The following ROR1 variants were observed in gnomAD, a reference collection of about 807,000 sequenced individuals.
ROR1 encodes the protein inactive tyrosine-protein kinase transmembrane receptor ROR1.
ROR1 carries 19 observed loss-of-function variants against 78.8 expected under a neutral mutation model. The ratio of observed to expected loss-of-function variants is 0.24; its 90% confidence interval spans 0.17 to 0.35. ROR1 has a LOEUF of 0.35. Among genes scored for constraint, ROR1 ranks in the 10% least tolerant of loss-of-function variants. The pLI, the probability that ROR1 is intolerant of heterozygous loss-of-function variation, is 1.00. For missense variants in ROR1, 917 were observed against 1,177.8 expected (o/e 0.78, Z 3.24); for synonymous variants, 386 against 433.6 (o/e 0.89, Z 1.36).
chr1:64,038,237 G>T (rs1482164146), intron 2 of ROR1, among the ~76,000 whole-genome samples: 1 of 152,034 alleles, frequency 6.6e-6, no homozygotes, highest in African/African-American at 2.4e-5. Flanking sequence ...AGGAAGTCTG[G>T]GGTTTCTCCG....
At chr1:64,161,590 G>A (rs11208375) in intron 8 of ROR1, among the ~76,000 whole-genome samples, 50,210 of 152,064 alleles carry the variant, frequency 0.33, 8,704 homozygotes, top group Middle Eastern at 0.42. Context: ...AGACAAATGT[G>A]AAATATACTG....
intron 2 of ROR1, among the ~76,000 whole-genome samples, chr1:64,032,784 A>G (rs1646671808): frequency 6.6e-6 from 1 of 152,238 alleles, no homozygotes; most frequent in African/African-American, 2.4e-5. Context: ...ACAAAAGGAA[A>G]TTCTCAATTT....
At chr1:63,938,951 T>A (rs1311615674) in intron 1 of ROR1, among the ~76,000 whole-genome samples, 1 of 152,138 alleles carries the variant, frequency 6.6e-6, no homozygotes, top group African/African-American at 2.4e-5. Flanking sequence ...TGAGCAGTGA[T>A]TGTGCCACCG....
Position 63,960,894 on chromosome 1 carries a change from G to A in ROR1, c.92-48411G>A, listed in dbSNP as rs1646022061. On this transcript the variant is annotated intron_variant, in intron 1 of 8. Coordinates refer to ENST00000371079, the MANE Select transcript of ROR1 (RefSeq NM_005012.4). ...AAGTGTAGAAGTGGTATTAGAGAAT[G>A]TGTTGAGGAGGGAGTCTGAAAATAT... Among the ~76,000 whole-genome samples, 3 of 152,192 alleles carry A rather than the reference G, an allele frequency of 2.0e-5. No homozygotes were observed. In the South Asian group the frequency reaches 6.2e-4, roughly 31 times the overall value.
intron 4 of ROR1, among the ~76,000 whole-genome samples, chr1:64,079,406 T>G (rs906853362): frequency 6.6e-6 from 1 of 152,154 alleles, no homozygotes. Flanking sequence ...TTGAAATAGA[T>G]AGCAGCCAAT....
intron 4 of ROR1, among the ~76,000 whole-genome samples, chr1:64,063,171 G>T (rs1016297287): frequency 2.0e-5 from 3 of 152,246 alleles, no homozygotes; most frequent in African/African-American, 7.2e-5. Context: ...GTAAATTGTG[G>T]GAAAGTGACT....
At chr1:63,932,584 T>G (rs1241414116) in intron 1 of ROR1, among the ~76,000 whole-genome samples, 1 of 152,176 alleles carries the variant, frequency 6.6e-6, no homozygotes, top group Non-Finnish European at 1.5e-5. Flanking sequence ...CTGATGGTTC[T>G]TCCCATTTAG....
At chr1:63,806,356 C>A (rs1367050565) in intron 1 of ROR1, among the ~76,000 whole-genome samples, 2 of 143,308 alleles carry the variant, frequency 1.4e-5, no homozygotes, top group African/African-American at 2.6e-5. Context: ...CTCGCTCTGT[C>A]GCCCAGGCTG....
At chr1:63,793,648 C>T (rs919332641) in intron 1 of ROR1, among the ~76,000 whole-genome samples, 14 of 152,154 alleles carry the variant, frequency 9.2e-5, no homozygotes, top group Non-Finnish European at 1.5e-4. Context: ...AGGAGAAGCT[C>T]AGGGTATGTT....
intron 1 of ROR1, among the ~76,000 whole-genome samples, chr1:63,778,981 GC>G (rs1644634549): frequency 6.6e-6 from 1 of 152,234 alleles, no homozygotes. Flanking sequence ...GCAAAGGGAA[GC>G]TTGCTTAGCT....
chr1:63,943,773 A>G (rs1645860295), intron 1 of ROR1, among the ~76,000 whole-genome samples: 1 of 152,242 alleles, frequency 6.6e-6, no homozygotes, highest in Non-Finnish European at 1.5e-5. Context: ...CCATTAAAAT[A>G]ATTTTCTTCT....
chr1:63,779,402 T>C (rs79612065), intron 1 of ROR1, among the ~76,000 whole-genome samples: 349 of 152,226 alleles, frequency 2.3e-3, no homozygotes, highest in African/African-American at 7.9e-3. Flanking sequence ...CTTCAAGGCC[T>C]CTTTCTCAAA....
At chr1:63,884,052 T>TTTTA (rs1645340860) in intron 1 of ROR1, among the ~76,000 whole-genome samples, 2 of 152,140 alleles carry the variant, frequency 1.3e-5, no homozygotes, top group Admixed American at 1.3e-4. Flanking sequence ...ACATCACAGG[T>TTTTA]TTTACTCAAG....
At chr1:63,832,707 T>C (rs1380579209) in intron 1 of ROR1, among the ~76,000 whole-genome samples, 1 of 152,254 alleles carries the variant, frequency 6.6e-6, no homozygotes, top group African/African-American at 2.4e-5. Flanking sequence ...TTTTCAAAGC[T>C]GATTGATGTA....
At chr1:63,806,234 G>T (rs148025588) in intron 1 of ROR1, among the ~76,000 whole-genome samples, 30 of 152,132 alleles carry the variant, frequency 2.0e-4, no homozygotes, top group African/African-American at 6.7e-4. Context: ...GGTCAAGTGC[G>T]CTGGAACAAG....
chr1:63,861,091 T>TA (rs1645178989), intron 1 of ROR1, among the ~76,000 whole-genome samples: 1 of 152,042 alleles, frequency 6.6e-6, no homozygotes, highest in African/African-American at 2.4e-5. Flanking sequence ...GGCCAGAAAA[T>TA]AAAAAGGTTT....
intron 1 of ROR1, among the ~76,000 whole-genome samples, chr1:63,988,841 A>G (rs1281996627): frequency 6.6e-6 from 1 of 152,232 alleles, no homozygotes; most frequent in East Asian, 1.9e-4. Context: ...GCTGAATAAT[A>G]TTACATTGTA....
chr1:63,819,343 C>T (rs951430139), intron 1 of ROR1, among the ~76,000 whole-genome samples: 22 of 152,100 alleles, frequency 1.4e-4, no homozygotes, highest in African/African-American at 4.8e-4. Context: ...CAGGCACTGA[C>T]TTATGAGGGC....
chr1:64,069,086 G>A (rs1646980610), intron 4 of ROR1, among the ~76,000 whole-genome samples: 1 of 151,916 alleles, frequency 6.6e-6, no homozygotes, highest in Non-Finnish European at 1.5e-5. Flanking sequence ...TTAAAATTGT[G>A]TAGACTTTTT....
Sources: gnomAD v4.1 joint callset for allele counts (sites outside exome capture counted in the v4.1 genomes callset) on GRCh38, gnomAD v4.1.1 for gene constraint, MANE v1.5 for transcripts, NCBI Gene and HGNC (gene_info 2026-07-23, HGNC 2026-07-21) for gene names.